Variants in ASIC4 observed in about 807,000 individuals in gnomAD.
ASIC4 encodes acid-sensing ion channel 4.
ASIC4 carries 28 observed loss-of-function variants against 53.4 expected under a neutral mutation model. The observed-to-expected ratio is 0.52, with a 90% CI of 0.39 to 0.72. The LOEUF (loss-of-function observed/expected upper bound fraction) is 0.72. Ranked by LOEUF, ASIC4 falls within the 30% of genes least tolerant of loss-of-function variation. The pLI, the probability that ASIC4 is intolerant of heterozygous loss-of-function variation, is 0.00. For synonymous variants in ASIC4, 289 were observed against 301.4 expected (o/e 0.96, Z 0.43); for missense variants, 649 against 729.7 (o/e 0.89, Z 1.27).
intron 4 of ASIC4, 61 bp from the exon 5 acceptor site, chr2:219,532,822 G>T: frequency 6.7e-7 from 1 of 1,488,036 alleles, no homozygotes; most frequent in Non-Finnish European, 9.3e-7. Flanking sequence ...GCTTACATTT[G>T]GGCGTGTGGG....
chr2:219,533,376 C>T (rs1695075463), intron 5 of ASIC4: 1 of 251,172 alleles, frequency 4.0e-6, no homozygotes, highest in Non-Finnish European at 7.9e-6. Context: ...CGCGCATTCT[C>T]CAGACCTTTA....
In ASIC4 at chr2:219,514,800, G is replaced by C. The variant is rs945842873; in HGVS notation, c.76G>C (p.Glu26Gln). The change falls in exon 1 of 10, where the codon GAG becomes CAG. Residue 26 changes from glutamate to glutamine, a missense_variant. Physicochemically the swap from Glu to Gln is conservative, Grantham distance 29. Transcript: ENST00000358078. ...AKPKEKEAGD[E>Q]QSLLGAVAPG... is the part of the protein sequence containing the mutation. The stretch of plus-strand genomic sequence containing the variant: ...ACCCAAGGAGAAGGAGGCAGGGGAT[G>C]AGCAGAGCCTCCTCGGGGCTGTTGC... The C allele has an allele frequency of 6.2e-7, 1 of 1,613,488 alleles. No homozygotes were observed. The highest frequency in any genetic ancestry group is 8.5e-7 in the Non-Finnish European group (1 of 1,180,000).
Position 219,536,165 on chromosome 2 carries a change from T to A in ASIC4, c.1229+841T>A, listed in dbSNP as rs1695133822. ...AAGTGCTTCCAGGTCCAAACACCTT[T>A]CATCTGAGTTCCCAGCACCCGTACA... On this transcript the variant is annotated intron_variant, in intron 6 of 9. Transcript: ENST00000358078. The surrounding 1 kb of genome is among the most constrained non-coding windows in gnomAD (Gnocchi z 4.6). 6.6e-6 allele frequency among the ~76,000 whole-genome samples: 1 copy of A among 152,202 alleles called. No individual in the cohort carries two copies. The highest frequency in any genetic ancestry group is 2.1e-4 in the South Asian group (1 of 4,830).
intron 1 of ASIC4, among the ~76,000 whole-genome samples, chr2:219,521,295 TG>T (rs1694880250): frequency 6.6e-6 from 1 of 152,250 alleles, no homozygotes; most frequent in Admixed American, 6.5e-5. Context: ...AGCCCCGAGC[TG>T]GGCTCATTAT....
rs893534500 is a variant in ASIC4, at chr2:219,518,562, C to T, written c.582+3256C>T. ...ACTCAGTCTCATACCATCTCACTCC[C>T]GCCCATTCTACCACCTGTATGTCCC... On this transcript the variant is annotated intron_variant, in intron 1 of 9. Transcript: ENST00000358078. This position sits in a 1 kb window ranked among gnomAD's most constrained non-coding sequence, Gnocchi z 4.8. Among the ~76,000 whole-genome samples, 3 of 152,112 alleles carry T rather than the reference C, an allele frequency of 2.0e-5. No individual in the cohort carries two copies. In the South Asian group the frequency reaches 6.2e-4, roughly 32 times the overall value.
At chr2:219,510,920 G>A (rs901249473), upstream of ASIC4, among the ~76,000 whole-genome samples, 2 of 151,850 alleles carry the variant, frequency 1.3e-5, no homozygotes, top group Admixed American at 6.6e-5. This position sits in a 1 kb window ranked among gnomAD's most constrained non-coding sequence, Gnocchi z 5.2. Context: ...ATCAGCCGCC[G>A]TCCGCCCCCC....
intron 1 of ASIC4, among the ~76,000 whole-genome samples, chr2:219,520,781 G>A (rs865902965): frequency 7.9e-5 from 12 of 152,334 alleles, no homozygotes; most frequent in African/African-American, 2.9e-4. Context: ...CTGCCCTCAG[G>A]AGCCAGGCAG....
chr2:219,538,089 C>T lies in ASIC4; in HGVS notation c.*43C>T, dbSNP rs377580621. 4.0e-6 allele frequency: 6 copies of T among 1,482,298 alleles called. No homozygotes were observed. In the African/African-American group the frequency reaches 6.9e-5, roughly 17 times the overall value. 91.8% of individuals were successfully genotyped at this position (1,482,298 alleles called of 1,614,324 possible). A position where few individuals can be genotyped will look rare whatever the true frequency, so the allele number is the denominator to read the frequency against. ...AAGGACCCAGGAGTCTGGGACCCCT[C>T]CTGGGATCCCCAGCACATTCTCCTG... On this transcript the variant is annotated 3_prime_UTR_variant, in exon 10 of 10. Transcript: ENST00000358078.
the ASIC4 span, among the ~76,000 whole-genome samples, chr2:219,507,798 G>T: frequency 6.6e-6 from 1 of 152,162 alleles, no homozygotes; most frequent in Non-Finnish European, 1.5e-5. Context: ...GCATGGGTGG[G>T]AGAAAGGAGG....
At chr2:219,519,081 A>T (rs902284062) in intron 1 of ASIC4, among the ~76,000 whole-genome samples, 3 of 151,930 alleles carry the variant, frequency 2.0e-5, no homozygotes, top group African/African-American at 4.8e-5. Flanking sequence ...ATTTTTTGTA[A>T]TTTTAGTACA....
chr2:219,532,201 C>A, intron 3 of ASIC4, 73 bp downstream of exon 3: 2 of 1,603,392 alleles, frequency 1.2e-6, no homozygotes, highest in Non-Finnish European at 1.7e-6. Flanking sequence ...GTGGAGCAAA[C>A]CTGCCCTCTA....
Position 219,536,617 on chromosome 2 carries a change from G to A in ASIC4, c.1230-449G>A, listed in dbSNP as rs571380620. Among the ~76,000 whole-genome samples the A allele has an allele frequency of 2.0e-5, 3 of 152,158 alleles. No individual in the cohort carries two copies. The highest frequency in any genetic ancestry group is 4.2e-4 in the South Asian group (2 of 4,806). On this transcript the variant is annotated intron_variant, in intron 6 of 9. Coordinates refer to ENST00000358078, the MANE Select transcript of ASIC4 (RefSeq NM_018674.6). This position sits in a 1 kb window ranked among gnomAD's most constrained non-coding sequence, Gnocchi z 4.6. The stretch of plus-strand genomic sequence containing the variant: ...ACGTGGGGCGGTGGGGTGGTGTGGC[G>A]GGGAGCCTGAGCCATAGGCAGCTGT...
Position 219,516,305 on chromosome 2 carries a change from C to A in ASIC4, c.582+999C>A, listed in dbSNP as rs898795581. Among the ~76,000 whole-genome samples, 14 of 152,166 alleles carry A rather than the reference C, an allele frequency of 9.2e-5. No individual in the cohort carries two copies. The highest frequency in any genetic ancestry group is 3.1e-4 in the African/African-American group (13 of 41,424). ...CCCCCATCTATCCCAACCGCTGCTC[C>A]CCATTTGGAGACTGCTGGCGCCATC... On this transcript the variant is annotated intron_variant, in intron 1 of 9. Transcript: ENST00000358078. The surrounding 1 kb of genome is among the most constrained non-coding windows in gnomAD (Gnocchi z 4.9).
At chr2:219,507,376 G>A in the ASIC4 span, among the ~76,000 whole-genome samples, 1 of 152,234 alleles carries the variant, frequency 6.6e-6, no homozygotes. Flanking sequence ...CTCGGTTCCC[G>A]CTGAGCCCAG....
intron 1 of ASIC4, among the ~76,000 whole-genome samples, chr2:219,519,090 C>G (rs1163320807): frequency 1.3e-5 from 2 of 152,194 alleles, no homozygotes; most frequent in African/African-American, 2.4e-5. Context: ...AATTTTAGTA[C>G]AGATGGGGTT....
chr2:219,537,940 G>T lies in ASIC4; in HGVS notation c.1514G>T (p.Cys505Phe), dbSNP rs775407979. The T allele has an allele frequency of 6.8e-6, 11 of 1,607,872 alleles. No individual in the cohort carries two copies. In the Admixed American group the frequency reaches 1.5e-4, roughly 22 times the overall value. ...GLQELKEQSP[C>F]PSRGRVEGGG... ...CTTTTCTTTCTCCTGCAGAGTCCCT[G>T]CCCGAGCCGGGGCCGAGTGGAGGGT... The change falls in exon 10 of 10, where the codon TGC (cysteine) becomes TTC (phenylalanine). Residue 505 changes from cysteine to phenylalanine, a missense_variant. Transcript: ENST00000358078. This position sits in a 1 kb window ranked among gnomAD's most constrained non-coding sequence, Gnocchi z 4.9.
chr2:219,533,611 G>T (rs545188912), intron 5 of ASIC4: 222 of 155,790 alleles, frequency 1.4e-3, no homozygotes, highest in Non-Finnish European at 2.2e-3. Flanking sequence ...GGCTTGATGG[G>T]TGTATAAGAG....
In ASIC4 at chr2:219,515,063, G is replaced by T; in HGVS notation, c.339G>T (p.Pro113=). ...CCCCAGCCCCAGTGGCGGGCTTCCCGGCTGTCACCCTCTGCAATATCAACC... is the reference window on the plus strand; with the variant it reads ...CCCCAGCCCCAGTGGCGGGCTTCCCTGCTGTCACCCTCTGCAATATCAACC... ...PAAPAPVAGF[P]AVTLCNINRF... The change falls in exon 1 of 10, where the codon CCG becomes CCT. Residue 113 remains proline, a synonymous_variant. Coordinates refer to ENST00000358078, the MANE Select transcript of ASIC4 (RefSeq NM_018674.6). 6.2e-7 allele frequency: 1 copy of T among 1,613,460 alleles called. No homozygotes were observed. Among genetic ancestry groups the T allele is most frequent in the South Asian group, 1.1e-5 (1 of 91,084 alleles).
intron 4 of ASIC4, 139 bp downstream of exon 4, chr2:219,532,616 T>A (rs774170452): frequency 8.0e-7 from 1 of 1,244,536 alleles, no homozygotes; most frequent in Non-Finnish European, 1.1e-6. Flanking sequence ...TGAGTGTGAG[T>A]GTTTGGGATT....
Sources: gnomAD v4.1 joint callset for allele counts (sites outside exome capture counted in the v4.1 genomes callset) on GRCh38, gnomAD v4.1.1 for gene constraint, Gnocchi (gnomAD v3.1) non-coding constraint, MANE v1.5 for transcripts, NCBI Gene and HGNC (gene_info 2026-07-23, HGNC 2026-07-21) for gene names.